Variants in KNDC1 observed in about 807,000 individuals in gnomAD.
KNDC1 encodes kinase non-catalytic C-lobe domain containing 1.
A neutral mutation model predicts 172.8 loss-of-function variants in KNDC1; 106 were observed. That is an observed-to-expected ratio of 0.61 (90% CI 0.52 to 0.72). The LOEUF is 0.72. KNDC1 is among the 30% of genes least tolerant of loss of function. The pLI is 0.00. For synonymous variants in KNDC1, 1,083 were observed against 1,062.2 expected (o/e 1.02, Z -0.38); for missense variants, 2,325 against 2,394.5 (o/e 0.97, Z 0.61).
chr10:133,207,209 T>C lies in KNDC1; in HGVS notation c.3652T>C (p.Cys1218Arg). 4 of 1,612,216 alleles carry C rather than the reference T, an allele frequency of 2.5e-6. No homozygotes were observed. Among genetic ancestry groups the C allele is most frequent in the East Asian group, 2.2e-5 (1 of 44,852 alleles). ...PVIVNIAAAPCDTLDFSPLDE... is the reference protein window; with the variant it reads ...PVIVNIAAAPRDTLDFSPLDE... ...GATCGTGAACATCGCGGCCGCACCC[T>C]GCGACACGCTGGACTTCAGCCCCCT... is the stretch of plus-strand genomic sequence containing the variant. The change falls in exon 20 of 30, where the codon TGC (cysteine) becomes CGC (arginine). Residue 1218 changes from cysteine (C) to arginine (R), a missense_variant. Cys to Arg is a radical substitution (Grantham distance 180). Coordinates refer to ENST00000304613, the MANE Select transcript of KNDC1 (RefSeq NM_152643.8).
At chr10:133,181,834 C>CCACA (rs369062586) in intron 3 of KNDC1, among the ~76,000 whole-genome samples, 2,873 of 138,868 alleles carry the variant, frequency 0.021, 91 homozygotes, top group African/African-American at 0.066. Flanking sequence ...CCAGGACCGT[C>CCACA]CACACACACA....
In KNDC1 at chr10:133,224,546, A is replaced by T; in HGVS notation, c.5019-113A>T. On this transcript the variant is annotated intron_variant, in intron 29 of 29. Transcript: ENST00000304613. The surrounding 1 kb of genome is among the most constrained non-coding windows in gnomAD (Gnocchi z 5.4). ...AGACAACCCACCCTTCAGAATTTAC[A>T]CGGTGAAAAGATTTAGTCCAAATGA... 1.4e-6 allele frequency: 1 copy of T among 740,096 alleles called. No individual in the cohort carries two copies. Among genetic ancestry groups the T allele is most frequent in the Non-Finnish European group, 2.2e-6 (1 of 445,556 alleles). 45.8% of individuals were successfully genotyped at this position (740,096 alleles called of 1,614,324 possible).
In KNDC1 at chr10:133,183,359, C is replaced by G; in HGVS notation, c.376C>G (p.Leu126Val). Reference sequence around the variant, plus strand: ...GTGCCCACAGGCGCACATCTACTCTCTGGGGGCCACGCTGAAGGCCGCCCT... The same window carrying G: ...GTGCCCACAGGCGCACATCTACTCTGTGGGGGCCACGCTGAAGGCCGCCCT... The part of the protein sequence containing the change: ...GNTFEAHIYS[L>V]GATLKAALEY... The change falls in exon 4 of 30, where the codon CTG (leucine) becomes GTG (valine). Residue 126 changes from leucine to valine, a missense_variant. Physicochemically the swap from Leu to Val is conservative, Grantham distance 32. Coordinates refer to ENST00000304613, the MANE Select transcript of KNDC1 (RefSeq NM_152643.8). 1.3e-6 allele frequency: 2 copies of G among 1,596,724 alleles called. No individual in the cohort carries two copies. The highest frequency in any genetic ancestry group is 2.3e-5 in the South Asian group (2 of 88,250).
At chr10:133,166,809 A>G (rs1853174195) in intron 1 of KNDC1, among the ~76,000 whole-genome samples, 1 of 152,048 alleles carries the variant, frequency 6.6e-6, no homozygotes, top group South Asian at 2.1e-4. Flanking sequence ...CGCGGAGTCC[A>G]GGAGCCCACT....
chr10:133,184,120 AC>A (rs540301744), intron 5 of KNDC1, 131 bp downstream of exon 5: 894 of 504,820 alleles, frequency 1.8e-3, no homozygotes, highest in Middle Eastern at 3.0e-3. Context: ...CTGCACACAC[AC>A]CCATGCACAC....
chr10:133,193,130 AT>A (rs1854104985), intron 9 of KNDC1, among the ~76,000 whole-genome samples: 1 of 152,244 alleles, frequency 6.6e-6, no homozygotes, highest in African/African-American at 2.4e-5. Context: ...AGATGATCAG[AT>A]TTCTCATCAG....
In KNDC1 at chr10:133,214,157, C is replaced by T. The variant is rs201708524; in HGVS notation, c.4677+35C>T. ...CTACAGTTCCGAGGCCAACACGGGG[C>T]GTGGGGCCCACCTACGCGGGGGTGG... On this transcript the variant is annotated intron_variant, in intron 26 of 29. Transcript: ENST00000304613. The T allele has an allele frequency of 3.1e-5, 50 of 1,610,244 alleles. No individual in the cohort carries two copies. The African/African-American group carries it at 4.1e-4, about 13-fold the overall frequency.
chr10:133,211,284 A>ACCCCCCCCC, intron 21 of KNDC1, 138 bp from the exon 22 acceptor site: 1 of 575,814 alleles, frequency 1.7e-6, no homozygotes. Flanking sequence ...CCCACGGAAG[A>ACCCCCCCCC]CCCCCAGCCC....
At chr10:133,202,780 C>T (rs1854410387) in intron 17 of KNDC1, 1 of 400,800 alleles carries the variant, frequency 2.5e-6, no homozygotes, top group Admixed American at 3.0e-5. Context: ...GAAGCCTTCA[C>T]TTCATTTCAG....
intron 3 of KNDC1, among the ~76,000 whole-genome samples, chr10:133,179,888 C>T (rs1272709657): frequency 6.6e-6 from 1 of 152,208 alleles, no homozygotes; most frequent in Admixed American, 6.5e-5. Context: ...CCTCCGCTGA[C>T]GGCCAAGCCC....
intron 9 of KNDC1, among the ~76,000 whole-genome samples, chr10:133,191,231 TGTG>T (rs1854064042): frequency 1.9e-5 from 1 of 51,984 alleles, no homozygotes; most frequent in Non-Finnish European, 4.2e-5. Context: ...CCCAGCCAGG[TGTG>T]GTGGCACATG....
chr10:133,170,788 G>T (rs1168760654), intron 3 of KNDC1, among the ~76,000 whole-genome samples: 1 of 152,162 alleles, frequency 6.6e-6, no homozygotes, highest in Non-Finnish European at 1.5e-5. Context: ...GATTTTCATG[G>T]CAGCTTCTGC....
rs556320500 is a variant in KNDC1 at position 133,218,991 on chromosome 10, C to T, written c.4800+38C>T. ...CGGGCCCCAAGGCGGGGGTGGGTAC[C>T]CGCACGGCCGCAGGAGGCTCACCTG... On this transcript the variant is annotated intron_variant, in intron 27 of 29. Coordinates refer to ENST00000304613, the MANE Select transcript of KNDC1 (RefSeq NM_152643.8). 8.1e-6 allele frequency: 13 copies of T among 1,613,756 alleles called. No homozygotes were observed. The African/African-American group carries it at 1.7e-4, about 21-fold the overall frequency.
intron 29 of KNDC1, among the ~76,000 whole-genome samples, chr10:133,220,753 G>C (rs1433713129): frequency 8.9e-6 from 1 of 112,352 alleles, no homozygotes; most frequent in Non-Finnish European, 1.9e-5. Context: ...GCGCGCCCAG[G>C]TGAGGAGGGG....
At chr10:133,160,654 G>T in intron 1 of KNDC1, 85 bp downstream of exon 1, 1 of 858,874 alleles carries the variant, frequency 1.2e-6, no homozygotes. Flanking sequence ...GGGAGGGGCT[G>T]TGAGCTCCCG....
intron 9 of KNDC1, among the ~76,000 whole-genome samples, chr10:133,194,444 T>C (rs1419398086): frequency 6.6e-6 from 1 of 151,978 alleles, no homozygotes; most frequent in Non-Finnish European, 1.5e-5. Context: ...AGTATCAGTA[T>C]TTTGCAAGCT....
chr10:133,186,822 C>T, intron 6 of KNDC1, 148 bp downstream of exon 6: 2 of 663,546 alleles, frequency 3.0e-6, no homozygotes, highest in Admixed American at 3.3e-5. Context: ...CATTGAGCTG[C>T]CCCGTTTCTG....
At chr10:133,200,345 G>T in intron 15 of KNDC1, 30 bp from the exon 16 acceptor site, 1 of 1,541,512 alleles carries the variant, frequency 6.5e-7, no homozygotes, top group Non-Finnish European at 8.8e-7. Context: ...GTGGGCGGAG[G>T]TGGGGACTGA....
intron 5 of KNDC1, among the ~76,000 whole-genome samples, chr10:133,184,916 G>A (rs1034637612): frequency 7.9e-5 from 12 of 152,270 alleles, no homozygotes; most frequent in South Asian, 2.1e-4. Flanking sequence ...AGGTGGGTGC[G>A]TTACAGAGCT....
Sources: allele counts gnomAD v4.1 joint callset (sites outside exome capture counted in the v4.1 genomes callset), GRCh38; gene constraint gnomAD v4.1.1; non-coding constraint Gnocchi (gnomAD v3.1); transcripts MANE v1.5; gene names NCBI Gene and HGNC (gene_info 2026-07-23, HGNC 2026-07-21).